Variants in LRP1B observed in about 807,000 individuals in gnomAD.
The protein encoded by LRP1B is low-density lipoprotein receptor-related protein 1B.
LRP1B carries 217 observed loss-of-function variants against 556.6 expected under a neutral mutation model. The observed-to-expected ratio is 0.39, with a 90% CI of 0.35 to 0.44. The LOEUF (loss-of-function observed/expected upper bound fraction) is 0.44, where lower values mean the gene tolerates loss of function less well. LRP1B is among the 20% of genes least tolerant of loss of function. The probability of loss-of-function intolerance (pLI) is 1.00; values close to 1 mark genes in which losing one functional copy is unlikely to be tolerated. For synonymous variants in LRP1B, 2,047 were observed against 1,865.8 expected, an observed-to-expected ratio of 1.10 and a Z score of -2.50; for missense variants, 5,053 against 5,620.8, an observed-to-expected ratio of 0.90 and a Z score of 3.23.
intron 27 of LRP1B, among the ~76,000 whole-genome samples, chr2:140,866,820 G>A (rs72924978): frequency 1.2e-4 from 19 of 152,112 alleles, no homozygotes; most frequent in African/African-American, 4.3e-4. Context: ...AATAAGGCTC[G>A]ATGTGTGGAA....
intron 2 of LRP1B, among the ~76,000 whole-genome samples, chr2:141,673,018 C>T (rs1415677577): frequency 1.3e-5 from 2 of 151,846 alleles, no homozygotes; most frequent in African/African-American, 2.4e-5. Context: ...ACCCTAAAAA[C>T]AGTCGCCTAT....
chr2:142,022,933 C>A (rs1703387444), intron 1 of LRP1B, among the ~76,000 whole-genome samples: 1 of 152,122 alleles, frequency 6.6e-6, no homozygotes, highest in African/African-American at 2.4e-5. Flanking sequence ...CCTCGGCCTT[C>A]CAAAGTGCTG....
At chr2:141,429,084 G>T (rs1447694432) in intron 3 of LRP1B, among the ~76,000 whole-genome samples, 1 of 152,044 alleles carries the variant, frequency 6.6e-6, no homozygotes. Flanking sequence ...TACTATAGAG[G>T]TATTTGAGAA....
chr2:141,065,005 T>G (rs1332841320), intron 7 of LRP1B, among the ~76,000 whole-genome samples: 3 of 151,950 alleles, frequency 2.0e-5, no homozygotes, highest in Non-Finnish European at 4.4e-5. Context: ...AGATAATTTG[T>G]ATTTTACAGA....
intron 84 of LRP1B, among the ~76,000 whole-genome samples, chr2:140,287,939 GTC>G (rs1683218494): frequency 1.3e-5 from 2 of 151,608 alleles, no homozygotes; most frequent in South Asian, 4.2e-4. Flanking sequence ...ATTAAAAAAT[GTC>G]TACATTTATT....
intron 2 of LRP1B, among the ~76,000 whole-genome samples, chr2:141,611,093 C>T (rs187447179): frequency 6.6e-6 from 1 of 152,256 alleles, no homozygotes; most frequent in East Asian, 1.9e-4. Flanking sequence ...TGCACATTTG[C>T]CTGTTTTATT....
At chr2:141,521,107 G>A (rs1454765200) in intron 2 of LRP1B, among the ~76,000 whole-genome samples, 2 of 152,010 alleles carry the variant, frequency 1.3e-5, no homozygotes, top group Non-Finnish European at 2.9e-5. Context: ...AAAAAAATAA[G>A]CATCATTTCT....
At chr2:142,019,489 C>G (rs1375573244) in intron 1 of LRP1B, among the ~76,000 whole-genome samples, 2 of 152,108 alleles carry the variant, frequency 1.3e-5, no homozygotes, top group East Asian at 3.9e-4. Context: ...TTACTCACTC[C>G]ATGTCACTAT....
At chr2:140,522,156 A>T (rs1231101630) in intron 49 of LRP1B, among the ~76,000 whole-genome samples, 1 of 152,020 alleles carries the variant, frequency 6.6e-6, no homozygotes, top group Non-Finnish European at 1.5e-5. Flanking sequence ...TACACAAAAT[A>T]TACTCTAAAG....
intron 5 of LRP1B, among the ~76,000 whole-genome samples, chr2:141,230,037 G>C (rs1267940891): frequency 6.6e-6 from 1 of 152,094 alleles, no homozygotes; most frequent in Non-Finnish European, 1.5e-5. Context: ...AAGATTCTAG[G>C]TATAAAATAA....
At chr2:140,882,559 A>G (rs182679471) in intron 25 of LRP1B, among the ~76,000 whole-genome samples, 107 of 152,312 alleles carry the variant, frequency 7.0e-4, no homozygotes, top group African/African-American at 2.5e-3. Flanking sequence ...ATTCAAGTAA[A>G]TTTAAAACAC....
chr2:141,047,430 T>G lies in LRP1B; in HGVS notation c.1789+1556A>C, dbSNP rs577573385. ...ATGAAGAATATTCTCATGCTCTCAT[T>G]TCCTCTAAAAGATTGGAGAGACCAC... is the stretch of plus-strand genomic sequence containing the variant. On this transcript the variant is annotated intron_variant, in intron 11 of 90. Coordinates refer to ENST00000389484, the MANE Select transcript of LRP1B (RefSeq NM_018557.3). Among the ~76,000 whole-genome samples, 4 of 152,198 alleles carry G rather than the reference T, an allele frequency of 2.6e-5. No individual in the cohort carries two copies. In the South Asian group the frequency reaches 6.2e-4, roughly 24 times the overall value.
At chr2:141,290,162 T>C (rs1009123906) in intron 3 of LRP1B, among the ~76,000 whole-genome samples, 2 of 152,166 alleles carry the variant, frequency 1.3e-5, no homozygotes, top group African/African-American at 4.8e-5. Context: ...AAAGGATATT[T>C]AAACACCCTT....
intron 7 of LRP1B, among the ~76,000 whole-genome samples, chr2:141,134,267 C>T (rs1227838771): frequency 2.0e-5 from 3 of 151,832 alleles, no homozygotes; most frequent in African/African-American, 7.3e-5. Flanking sequence ...CAGGCCTTTG[C>T]TCCTCCATTC....
chr2:140,791,478 C>T lies in LRP1B; in HGVS notation c.5360-15240G>A, dbSNP rs551050610. ...ATTAAAAAGAAAAGAGAAGATTGGA[C>T]TTTCCGGCATTCTAGGCAGGTTGTG... On this transcript the variant is annotated intron_variant, in intron 32 of 90. Transcript: ENST00000389484. 1.2e-3 allele frequency among the ~76,000 whole-genome samples: 178 copies of T among 152,092 alleles called. 1 individual carries two copies. The highest frequency in any genetic ancestry group is 4.1e-3 in the African/African-American group (169 of 41,502).
chr2:140,842,258 A>G lies in LRP1B; in HGVS notation c.4940-1166T>C, dbSNP rs185257253. ...TGTAAAGTATGCCAACTAGTTCAAA[A>G]TGTAAGACAGCAAAACAAGATGTGG... On this transcript the variant is annotated intron_variant, in intron 29 of 90. Coordinates refer to ENST00000389484, the MANE Select transcript of LRP1B (RefSeq NM_018557.3). Among the ~76,000 whole-genome samples, 333 of 152,346 alleles carry G rather than the reference A, an allele frequency of 2.2e-3. 3 individuals carry two copies. Among genetic ancestry groups the G allele is most frequent in the Admixed American group, 0.02 (312 of 15,296 alleles).
chr2:140,298,474 T>A (rs1389450958), intron 83 of LRP1B, among the ~76,000 whole-genome samples: 6 of 152,194 alleles, frequency 3.9e-5, no homozygotes, highest in African/African-American at 1.4e-4. Context: ...ATGTAATTTA[T>A]AATAATTAAA....
chr2:140,675,625 A>G lies in LRP1B; in HGVS notation c.6799+24625T>C, dbSNP rs190693960. Among the ~76,000 whole-genome samples, 21 of 152,290 alleles carry G rather than the reference A, an allele frequency of 1.4e-4. No homozygotes were observed. In the East Asian group the frequency reaches 3.9e-3, roughly 28 times the overall value. ...GCCTCTACAAAAGTTAAAAAAACAAAAAAAATAGCTGATTGTGGTGGTGCT... is the reference window on the plus strand; with the variant it reads ...GCCTCTACAAAAGTTAAAAAAACAAGAAAAATAGCTGATTGTGGTGGTGCT... On this transcript the variant is annotated intron_variant, in intron 41 of 90. Transcript: ENST00000389484.
At chr2:142,035,983 T>C (rs1703863315) in intron 1 of LRP1B, among the ~76,000 whole-genome samples, 2 of 151,850 alleles carry the variant, frequency 1.3e-5, no homozygotes, top group South Asian at 2.1e-4. Context: ...TTTTCTCTTG[T>C]TGCCACCATG....
Sources: gnomAD v4.1 joint callset for allele counts (sites outside exome capture counted in the v4.1 genomes callset) on GRCh38, gnomAD v4.1.1 for gene constraint, MANE v1.5 for transcripts, NCBI Gene and HGNC (gene_info 2026-07-23, HGNC 2026-07-21) for gene names.